MMP26: variants seen among roughly 807,000 people sequenced by gnomAD.
MMP26 encodes the protein matrix metallopeptidase 26, also known as matrix metalloproteinase-26.
MMP26 carries 33 observed loss-of-function variants against 31.0 expected under a neutral mutation model. The observed-to-expected ratio is 1.06, with a 90% CI of 0.81 to 1.42. MMP26 has a LOEUF of 1.42. MMP26 is among the 40% of genes most tolerant of loss of function. The probability of loss-of-function intolerance (pLI) is 0.00; values close to 1 mark genes in which losing one functional copy is unlikely to be tolerated. For synonymous variants in MMP26, 122 were observed against 114.9 expected (o/e 1.06, Z -0.40); for missense variants, 347 against 316.1 (o/e 1.10, Z -0.74).
intron 2 of MMP26, among the ~76,000 whole-genome samples, chr11:4,922,953 CATAAAA>C: frequency 6.6e-6 from 1 of 152,036 alleles, no homozygotes; most frequent in South Asian, 2.1e-4. Context: ...GATAAAGTAA[CATAAAA>C]ATAAATAAAT....
At chr11:4,974,043 AATAG>A in intron 2 of MMP26, among the ~76,000 whole-genome samples, 1 of 152,172 alleles carries the variant, frequency 6.6e-6, no homozygotes, top group East Asian at 1.9e-4. Flanking sequence ...TAAAAGGAGA[AATAG>A]ATAGGTAGAC....
At chr11:4,743,887 C>T (rs747066881) in intron 1 of MMP26, among the ~76,000 whole-genome samples, 3 of 152,154 alleles carry the variant, frequency 2.0e-5, no homozygotes, top group Non-Finnish European at 4.4e-5. Flanking sequence ...CTCACTGCAG[C>T]CTTGACCTCC....
intron 2 of MMP26, among the ~76,000 whole-genome samples, chr11:4,887,716 T>A (rs118128688): frequency 2.7e-4 from 41 of 152,216 alleles, no homozygotes; most frequent in Non-Finnish European, 5.0e-4. Context: ...AGTTGGGAAA[T>A]GTGTTAGTTA....
At position 4,950,480 on chromosome 11, in the gene MMP26, G is replaced by C. The variant is rs906773587; in HGVS notation, c.-144-37588G>C. On this transcript the variant is annotated intron_variant, in intron 2 of 7. Coordinates refer to ENST00000380390, the MANE Select transcript of MMP26 (RefSeq NM_021801.5). ...CTTAGATGTGGAATCTAAAACAATT[G>C]AACTCATAGAAACAAAGTAGCATGA... is the stretch of plus-strand genomic sequence containing the variant. Among the ~76,000 whole-genome samples the C allele has an allele frequency of 2.5e-5, 3 of 119,910 alleles. 1 individual carries two copies. The highest frequency in any genetic ancestry group is 3.8e-5 in the Non-Finnish European group (2 of 53,264). The allele number at this position is 119,910 out of a possible 152,430, so 78.7% of individuals were successfully genotyped here. A position where few individuals can be genotyped will look rare whatever the true frequency, so the allele number is the denominator to read the frequency against.
At chr11:4,769,578 A>G (rs1367558835) in intron 2 of MMP26, 1 of 1,613,452 alleles carries the variant, frequency 6.2e-7, no homozygotes, top group Non-Finnish European at 8.5e-7. Context: ...AGCACTCCAG[A>G]TTCCATAAAA....
chr11:4,711,887 A>T (rs1032597992), intron 1 of MMP26: 21 of 152,144 alleles, frequency 1.4e-4, no homozygotes, highest in African/African-American at 4.8e-4. Flanking sequence ...TATTGCCTCT[A>T]AGTCTGTGAT....
chr11:4,949,175 T>C lies in MMP26; in HGVS notation c.-144-38893T>C, dbSNP rs537614748. On this transcript the variant is annotated intron_variant, in intron 2 of 7. Coordinates refer to ENST00000380390, the MANE Select transcript of MMP26 (RefSeq NM_021801.5). ...AATACTTGTTGAATGAATAAATGATTGTATTTTTTAAACTGGCATCTTTTT... is the reference window on the plus strand; with the variant it reads ...AATACTTGTTGAATGAATAAATGATCGTATTTTTTAAACTGGCATCTTTTT... Among the ~76,000 whole-genome samples the C allele has an allele frequency of 1.6e-5, 2 of 124,690 alleles. 1 individual carries two copies. The highest frequency in any genetic ancestry group is 1.8e-4 in the Admixed American group (2 of 11,130). 81.8% of individuals were successfully genotyped at this position (124,690 alleles called of 152,430 possible).
At chr11:4,813,756 T>C (rs1044725682) in intron 2 of MMP26, among the ~76,000 whole-genome samples, 4 of 152,108 alleles carry the variant, frequency 2.6e-5, no homozygotes, top group Non-Finnish European at 5.9e-5. Context: ...GGAAAGCAGA[T>C]TTCTTATACA....
intron 2 of MMP26, among the ~76,000 whole-genome samples, chr11:4,778,325 A>C (rs34296834): frequency 0.095 from 14,417 of 152,064 alleles, 853 homozygotes; most frequent in Middle Eastern, 0.15. Flanking sequence ...TACCTTCGTC[A>C]TGACTTCATC....
intron 4 of MMP26, 99 bp from the exon 5 acceptor site, chr11:4,990,499 A>G (rs1846981305): frequency 8.2e-7 from 1 of 1,212,166 alleles, no homozygotes; most frequent in Non-Finnish European, 1.1e-6. Context: ...GAGTCCTAAA[A>G]CTATTAAATG....
At chr11:4,766,490 AT>A (rs1360693073) in intron 1 of MMP26, among the ~76,000 whole-genome samples, 1 of 138,934 alleles carries the variant, frequency 7.2e-6, no homozygotes, top group Non-Finnish European at 1.5e-5. Context: ...TGAGTACAGT[AT>A]TTGAGGAGTT....
In MMP26 at chr11:4,924,143, C is replaced by A. The variant is rs540369807; in HGVS notation, c.-144-63925C>A. The A allele has an allele frequency of 6.2e-6, 10 of 1,614,074 alleles. No individual in the cohort carries two copies. The East Asian group carries it at 1.3e-4, about 22-fold the overall frequency. ...GCCTAAGTCTGTGACAGCTAGCATG[C>A]CCAAGAAATAGTACATGGGTCCATG... On this transcript the variant is annotated intron_variant, in intron 2 of 7. Coordinates refer to ENST00000380390, the MANE Select transcript of MMP26 (RefSeq NM_021801.5).
At chr11:4,982,850 T>C (rs1461327175) in intron 2 of MMP26, among the ~76,000 whole-genome samples, 1 of 152,188 alleles carries the variant, frequency 6.6e-6, no homozygotes, top group Admixed American at 6.5e-5. Flanking sequence ...TCTAGGCTTT[T>C]TCCCAGCGTT....
chr11:4,857,382 A>G (rs781351182), intron 2 of MMP26, among the ~76,000 whole-genome samples: 3 of 152,130 alleles, frequency 2.0e-5, no homozygotes, highest in Non-Finnish European at 2.9e-5. Flanking sequence ...AATAAAAATG[A>G]TAAAGGGGAT....
At chr11:4,761,200 T>C (rs1848565589) in intron 1 of MMP26, among the ~76,000 whole-genome samples, 3 of 152,198 alleles carry the variant, frequency 2.0e-5, no homozygotes, top group Admixed American at 6.5e-5. Context: ...TTTTTGTCTT[T>C]AATTTCACTT....
intron 2 of MMP26, among the ~76,000 whole-genome samples, chr11:4,791,004 TA>T (rs919525756): frequency 1.7e-4 from 26 of 152,316 alleles, no homozygotes; most frequent in African/African-American, 6.3e-4. Flanking sequence ...GCCTTATATT[TA>T]AAAAACCTAA....
chr11:4,929,913 A>G (rs1851322921), intron 2 of MMP26, among the ~76,000 whole-genome samples: 1 of 152,104 alleles, frequency 6.6e-6, no homozygotes, highest in African/African-American at 2.4e-5. Context: ...TAGCAATAGT[A>G]TGAATGCATA....
intron 2 of MMP26, among the ~76,000 whole-genome samples, chr11:4,812,346 A>G (rs1025002440): frequency 2.6e-5 from 4 of 152,172 alleles, no homozygotes; most frequent in Admixed American, 2.6e-4. Flanking sequence ...TAGACATGTG[A>G]AACTGAAGAA....
chr11:4,820,501 C>T (rs1849480176), intron 2 of MMP26, among the ~76,000 whole-genome samples: 1 of 151,320 alleles, frequency 6.6e-6, no homozygotes, highest in Middle Eastern at 3.2e-3. Context: ...CCATTCCTTC[C>T]CTTTCTTCCT....
Sources: allele counts gnomAD v4.1 joint callset (sites outside exome capture counted in the v4.1 genomes callset), GRCh38; gene constraint gnomAD v4.1.1; transcripts MANE v1.5; gene names NCBI Gene and HGNC (gene_info 2026-07-23, HGNC 2026-07-21).